NREP: variants seen among roughly 807,000 people sequenced by gnomAD.
The protein encoded by NREP is neuronal regeneration-related protein.
A neutral mutation model predicts 8.6 loss-of-function variants in NREP; 5 were observed. The ratio of observed to expected loss-of-function variants is 0.58; its 90% CI spans 0.30 to 1.22. The LOEUF (loss-of-function observed/expected upper bound fraction) is 1.22. NREP is among the 50% of genes most tolerant of loss of function. NREP has a pLI of 0.07. For missense variants in NREP, 86 were observed against 82.5 expected (o/e 1.04, Z -0.17); for synonymous variants, 27 against 28.0 (o/e 0.96, Z 0.11).
intron 2 of NREP, among the ~76,000 whole-genome samples, chr5:111,836,806 G>A (rs1752906739): frequency 6.6e-6 from 1 of 152,014 alleles, no homozygotes; most frequent in Admixed American, 6.6e-5. Context: ...CATTTTTTGT[G>A]TATATAACTT....
At chr5:111,929,766 T>C (rs1481736490) in intron 2 of NREP, among the ~76,000 whole-genome samples, 1 of 152,194 alleles carries the variant, frequency 6.6e-6, no homozygotes, top group Non-Finnish European at 1.5e-5. Context: ...ATCCTTTACT[T>C]GCTCTCTGAA....
chr5:111,880,949 C>A (rs1754043609), intron 2 of NREP, among the ~76,000 whole-genome samples: 1 of 152,142 alleles, frequency 6.6e-6, no homozygotes, highest in South Asian at 2.1e-4. Context: ...GGGTTCATCT[C>A]ACTAGGGAGT....
At chr5:111,831,310 C>T (rs550162961) in intron 2 of NREP, among the ~76,000 whole-genome samples, 1 of 152,280 alleles carries the variant, frequency 6.6e-6, no homozygotes, top group East Asian at 1.9e-4. Flanking sequence ...CTGACATCCT[C>T]ACAGTTTCTG....
intron 2 of NREP, among the ~76,000 whole-genome samples, chr5:111,961,017 G>T (rs1756465586): frequency 6.6e-6 from 1 of 152,160 alleles, no homozygotes; most frequent in African/African-American, 2.4e-5. Context: ...GTCCTGGCTT[G>T]GTCATATTTT....
intron 2 of NREP, among the ~76,000 whole-genome samples, chr5:111,774,209 AAAGG>A (rs1249874094): frequency 6.6e-6 from 1 of 151,128 alleles, no homozygotes; most frequent in Non-Finnish European, 1.5e-5. Context: ...AGGGAGGAAG[AAAGG>A]AAGGAAGGAA....
intron 2 of NREP, among the ~76,000 whole-genome samples, chr5:111,926,917 G>A (rs1249030097): frequency 6.6e-6 from 1 of 151,330 alleles, no homozygotes; most frequent in African/African-American, 2.4e-5. Flanking sequence ...GGACCCGGAG[G>A]AGTGGGTCAG....
At chr5:111,859,190 C>G (rs1182291061) in intron 2 of NREP, among the ~76,000 whole-genome samples, 2 of 152,056 alleles carry the variant, frequency 1.3e-5, no homozygotes, top group Non-Finnish European at 2.9e-5. Flanking sequence ...TTGTCTCTCA[C>G]CCATTGAAAA....
At chr5:111,916,091 T>A (rs988279111) in intron 2 of NREP, among the ~76,000 whole-genome samples, 2 of 151,980 alleles carry the variant, frequency 1.3e-5, no homozygotes, top group African/African-American at 4.8e-5. Context: ...TTAGGAGCCA[T>A]AGTCGCAAGC....
At chr5:111,829,636 G>A (rs940707920) in intron 2 of NREP, among the ~76,000 whole-genome samples, 2 of 152,062 alleles carry the variant, frequency 1.3e-5, no homozygotes, top group Non-Finnish European at 2.9e-5. Flanking sequence ...CCTCACAATG[G>A]ATGCACTCAG....
At chr5:111,734,591 G>A in intron 3 of NREP, 1 of 473,366 alleles carries the variant, frequency 2.1e-6, no homozygotes, top group Non-Finnish European at 3.8e-6. Context: ...ATAAGATAGG[G>A]AATTGTTGAT....
At chr5:111,757,931 C>A, upstream of NREP, 1 of 985,578 alleles carries the variant, frequency 1.0e-6, no homozygotes, top group Non-Finnish European at 1.2e-6. Context: ...GCGGCCCGTA[C>A]TGTAATAATA....
chr5:111,881,663 T>G (rs1754075974), intron 2 of NREP, among the ~76,000 whole-genome samples: 1 of 152,156 alleles, frequency 6.6e-6, no homozygotes, highest in South Asian at 2.1e-4. Context: ...CAGCAGCATT[T>G]GCGGTCCATG....
At chr5:111,952,756 CA>C (rs1756196352) in intron 2 of NREP, among the ~76,000 whole-genome samples, 1 of 152,104 alleles carries the variant, frequency 6.6e-6, no homozygotes, top group Non-Finnish European at 1.5e-5. Flanking sequence ...GTATCAATGT[CA>C]ATCTCTTGAT....
intron 2 of NREP, among the ~76,000 whole-genome samples, chr5:111,824,376 A>C (rs1256866230): frequency 1.3e-5 from 2 of 152,222 alleles, no homozygotes; most frequent in African/African-American, 4.8e-5. Flanking sequence ...CTCAAAAAAT[A>C]AATAAATAAA....
upstream of NREP, among the ~76,000 whole-genome samples, chr5:111,760,371 A>G (rs1461120277): frequency 6.6e-6 from 1 of 152,208 alleles, no homozygotes; most frequent in African/African-American, 2.4e-5. Context: ...AGTTATGTGC[A>G]CTGCATTGAA....
intron 2 of NREP, among the ~76,000 whole-genome samples, chr5:111,882,633 C>A (rs976331338): frequency 6.6e-6 from 1 of 152,184 alleles, no homozygotes; most frequent in Non-Finnish European, 1.5e-5. Flanking sequence ...GCTGATCTCT[C>A]GGCAGAAACT....
chr5:111,736,882 T>C (rs1048008031), intron 2 of NREP, among the ~76,000 whole-genome samples: 1 of 152,196 alleles, frequency 6.6e-6, no homozygotes, highest in Non-Finnish European at 1.5e-5. Context: ...AAACTCACAC[T>C]AGGTTTCCAG....
chr5:111,935,622 G>A (rs1165409746), intron 2 of NREP, among the ~76,000 whole-genome samples: 1 of 151,994 alleles, frequency 6.6e-6, no homozygotes. Context: ...AATTAAGTTT[G>A]AATATAGACA....
chr5:111,976,728 A>C, exon 1 of NREP: 3 of 1,550,866 alleles, frequency 1.9e-6, no homozygotes, highest in Non-Finnish European at 2.6e-6. Flanking sequence ...AATAATTCCA[A>C]ACTCCTTTCA....
Sources: gnomAD v4.1 joint callset for allele counts (sites outside exome capture counted in the v4.1 genomes callset) on GRCh38, gnomAD v4.1.1 for gene constraint, MANE v1.5 for transcripts, NCBI Gene and HGNC (gene_info 2026-07-23, HGNC 2026-07-21) for gene names.